KLK5: variants seen among roughly 807,000 people sequenced by gnomAD.
KLK5 encodes the protein kallikrein-5.
KLK5 carries 18 observed loss-of-function variants against 24.0 expected under a neutral mutation model. The ratio of observed to expected loss-of-function variants is 0.75; its 90% CI spans 0.52 to 1.11. KLK5 has a LOEUF of 1.11. Among genes scored for constraint, KLK5 ranks in the 50% most tolerant of loss-of-function variants. The pLI, the probability that KLK5 is intolerant of heterozygous loss-of-function variation, is 0.00. For synonymous variants in KLK5, 140 were observed against 154.0 expected (o/e 0.91, Z 0.67); for missense variants, 374 against 379.2 (o/e 0.99, Z 0.11).
Position 50,948,921 on chromosome 19 carries a change from T to C in KLK5, c.530A>G (p.His177Arg), listed in dbSNP as rs1315051877. ...KDVRPINVSS[H>R]CPSAGTKCLV... ...GCACTTTGTCCCAGCAGAGGGACAA[T>C]GAGAGGAGACGTTGATGGGTCTGAC... The change falls in exon 4 of 6, where the codon CAT (histidine) becomes CGT (arginine). Residue 177 changes from histidine (H) to arginine (R), a missense_variant. Transcript: ENST00000336334. 1 of 1,613,778 alleles carries C rather than the reference T, an allele frequency of 6.2e-7. No individual in the cohort carries two copies. The highest frequency in any genetic ancestry group is 8.5e-7 in the Non-Finnish European group (1 of 1,179,956).
At chr19:50,952,714 GAGC>G in intron 1 of KLK5, 30 bp downstream of exon 1, 9 of 1,434,242 alleles carry the variant, frequency 6.3e-6, no homozygotes, top group Non-Finnish European at 8.6e-6. Flanking sequence ...GCGATCCGGG[GAGC>G]CCTTAACCCA....
In KLK5 at chr19:50,943,478, G is replaced by A; in HGVS notation, c.*153C>T. The A allele has an allele frequency of 1.4e-6, 1 of 697,700 alleles. No individual in the cohort carries two copies. Among genetic ancestry groups the A allele is most frequent in the Non-Finnish European group, 2.4e-6 (1 of 413,408 alleles). 43.2% of individuals were successfully genotyped at this position (697,700 alleles called of 1,614,324 possible). On this transcript the variant is annotated 3_prime_UTR_variant, in exon 6 of 6. Transcript: ENST00000336334. ...AGAGAGACACGGTCAGCCCAATGTG[G>A]GGGAAGCAGACCCTGAGTCCAGGAG... is the stretch of plus-strand genomic sequence containing the variant.
Position 50,952,894 on chromosome 19 carries a change from G to A in KLK5, c.-159C>T, listed in dbSNP as rs540705214. On this transcript the variant is annotated 5_prime_UTR_variant, in exon 1 of 6. Transcript: ENST00000336334. ...ACAGAGAAAGATGTGGGTGCAGGAC[G>A]CACAGACACCTCTCCTTCCCTGCCT... 4.4e-5 allele frequency: 17 copies of A among 383,178 alleles called. No individual in the cohort carries two copies. The highest frequency in any genetic ancestry group is 1.5e-4 in the African/African-American group (7 of 46,630). The allele number at this position is 383,178 out of a possible 1,614,324, so 23.7% of individuals were successfully genotyped here. A position where few individuals can be genotyped will look rare whatever the true frequency, so the allele number is the denominator to read the frequency against.
At chr19:50,951,349 C>G (rs1050167542) in intron 2 of KLK5, among the ~76,000 whole-genome samples, 1 of 151,858 alleles carries the variant, frequency 6.6e-6, no homozygotes, top group African/African-American at 2.4e-5. Flanking sequence ...CTCGGCTCAC[C>G]GCAACCTCCA....
Position 50,950,039 on chromosome 19 carries a change from C to T in KLK5, c.151G>A (p.Gly51Arg). The part of the protein sequence containing the change: ...TVPSGSNQDL[G>R]AGAGEDARSD... ...CGGGCGTCTTCCCCGGCCCCAGCTC[C>T]CAGGTCCTGGTTGCTCCCAGAGGGC... is the stretch of plus-strand genomic sequence containing the variant. The change falls in exon 3 of 6, where the codon GGA becomes AGA. Residue 51 changes from glycine (G) to arginine (R), a missense_variant. Transcript: ENST00000336334. 1 of 1,613,762 alleles carries T rather than the reference C, an allele frequency of 6.2e-7. No individual in the cohort carries two copies. Among genetic ancestry groups the T allele is most frequent in the Non-Finnish European group, 8.5e-7 (1 of 1,179,948 alleles).
At chr19:50,949,288 A>G (rs2090663462) in intron 3 of KLK5, among the ~76,000 whole-genome samples, 173 bp from the exon 4 acceptor site, 1 of 146,890 alleles carries the variant, frequency 6.8e-6, no homozygotes, top group Non-Finnish European at 1.5e-5. Context: ...CCCAGTCACA[A>G]TTCCAAACCC....
intron 5 of KLK5, among the ~76,000 whole-genome samples, chr19:50,946,779 T>A (rs2090639469): frequency 6.6e-6 from 1 of 152,088 alleles, no homozygotes; most frequent in Non-Finnish European, 1.5e-5. Context: ...CAGGATGGTC[T>A]CCATCTCCTG....
At chr19:50,949,822 C>T in intron 3 of KLK5, 33 bp downstream of exon 3, 14 of 1,053,702 alleles carry the variant, frequency 1.3e-5, no homozygotes, top group Non-Finnish European at 1.7e-5. Flanking sequence ...CTTCCCCGTC[C>T]CCACCAACCC....
At chr19:50,944,176 T>A (rs1022378216) in intron 5 of KLK5, among the ~76,000 whole-genome samples, 1 of 152,080 alleles carries the variant, frequency 6.6e-6, no homozygotes, top group Non-Finnish European at 1.5e-5. Flanking sequence ...GCTAATTTTT[T>A]GTATTTTTTT....
Position 50,948,940 on chromosome 19 carries a change from G to T in KLK5, c.511C>A (p.Pro171Thr). 1 of 1,613,998 alleles carries T rather than the reference G, an allele frequency of 6.2e-7. No individual in the cohort carries two copies. Among genetic ancestry groups the T allele is most frequent in the Non-Finnish European group, 8.5e-7 (1 of 1,179,984 alleles). Reference sequence around the variant, plus strand: ...GGACAATGAGAGGAGACGTTGATGGGTCTGACATCTTTAGTGGGACGAATT... The same window carrying T: ...GGACAATGAGAGGAGACGTTGATGGTTCTGACATCTTTAGTGGGACGAATT... ...RRIRPTKDVR[P>T]INVSSHCPSA... Residue 171 changes from proline to threonine, a missense_variant, in exon 4 of 6, where the codon CCC (proline) becomes ACC (threonine). Transcript: ENST00000336334.
Position 50,952,901 on chromosome 19 carries a change from C to A in KLK5, c.-166G>T. The stretch of plus-strand genomic sequence containing the variant: ...AAGATGTGGGTGCAGGACGCACAGA[C>A]ACCTCTCCTTCCCTGCCTGCTGAGC... On this transcript the variant is annotated 5_prime_UTR_variant, in exon 1 of 6. Transcript: ENST00000336334. 1 of 366,298 alleles carries A rather than the reference C, an allele frequency of 2.7e-6. No individual in the cohort carries two copies. Among genetic ancestry groups the A allele is most frequent in the Admixed American group, 5.2e-5 (1 of 19,282 alleles). 22.7% of individuals were successfully genotyped at this position (366,298 alleles called of 1,614,324 possible). A position where few individuals can be genotyped will look rare whatever the true frequency, so the allele number is the denominator to read the frequency against.
chr19:50,952,504 T>C lies in KLK5; in HGVS notation c.73+81A>G. The C allele has an allele frequency of 2.9e-6, 3 of 1,020,090 alleles. No homozygotes were observed. The South Asian group carries it at 5.1e-5, about 17-fold the overall frequency. 63.2% of individuals were successfully genotyped at this position (1,020,090 alleles called of 1,614,324 possible). ...CGGAGTCATGCCCAGGCTCACACAG[T>C]TCCCCAGGGGACAGGCGCTCTAGTG... is the stretch of plus-strand genomic sequence containing the variant. On this transcript the variant is annotated intron_variant, in intron 2 of 5. Coordinates refer to ENST00000336334, the MANE Select transcript of KLK5 (RefSeq NM_012427.5).
chr19:50,948,301 T>A (rs576827334), intron 5 of KLK5, among the ~76,000 whole-genome samples: 1 of 152,276 alleles, frequency 6.6e-6, no homozygotes, highest in East Asian at 1.9e-4. Context: ...TTTGTATTTT[T>A]TTTTAGAGAC....
intron 3 of KLK5, 80 bp from the exon 4 acceptor site, chr19:50,949,195 C>T (rs2090662757): frequency 1.4e-6 from 2 of 1,406,204 alleles, no homozygotes; most frequent in South Asian, 2.8e-5. Context: ...CACACCCAGC[C>T]CCAGCCCCAC....
In KLK5 at chr19:50,952,748, T is replaced by A. The variant is rs534318594; in HGVS notation, c.-13A>T. 2.1e-6 allele frequency: 2 copies of A among 939,078 alleles called. No homozygotes were observed. Among genetic ancestry groups the A allele is most frequent in the African/African-American group, 1.7e-5 (1 of 59,646 alleles). The allele number at this position is 939,078 out of a possible 1,614,324, so 58.2% of individuals were successfully genotyped here. On this transcript the variant is annotated splice_region_variant and 5_prime_UTR_variant, in exon 1 of 6. In the 5' UTR this introduces an upstream ATG that the reference lacks. Coordinates refer to ENST00000336334, the MANE Select transcript of KLK5 (RefSeq NM_012427.5). The stretch of plus-strand genomic sequence containing the variant: ...ACCCACTTCCCCTCCCTCCCCTACC[T>A]TATTTCCCCAGGTAGAGAGGAACCA...
intron 3 of KLK5, 102 bp downstream of exon 3, chr19:50,949,753 T>TCCC: frequency 1.5e-5 from 6 of 403,264 alleles, no homozygotes; most frequent in South Asian, 8.0e-5. Context: ...CACTTCCCCG[T>TCCC]CCCCACCAGC....
chr19:50,949,739 AC>A, intron 3 of KLK5, 115 bp downstream of exon 3: 1 of 432,330 alleles, frequency 2.3e-6, no homozygotes, highest in Admixed American at 3.4e-5. Flanking sequence ...GACACCCCCA[AC>A]CCCACTTCCC....
chr19:50,949,802 C>A (rs1312617610), intron 3 of KLK5, 53 bp downstream of exon 3: 2 of 869,234 alleles, frequency 2.3e-6, no homozygotes, highest in African/African-American at 3.8e-5. Flanking sequence ...CTTCCCCACC[C>A]CCACCCCCAC....
Position 50,948,941 on chromosome 19 carries a change from T to C in KLK5, c.510A>G (p.Arg170=). 3 of 1,613,952 alleles carry C rather than the reference T, an allele frequency of 1.9e-6. No homozygotes were observed. The highest frequency in any genetic ancestry group is 2.5e-6 in the Non-Finnish European group (3 of 1,179,984). Residue 170 remains arginine (R), a synonymous_variant, in exon 4 of 6, where the codon AGA becomes AGG. Transcript: ENST00000336334. The part of the protein sequence containing the change: ...NRRIRPTKDV[R]PINVSSHCPS... ...GACAATGAGAGGAGACGTTGATGGG[T>C]CTGACATCTTTAGTGGGACGAATTC...
Sources: allele counts gnomAD v4.1 joint callset (sites outside exome capture counted in the v4.1 genomes callset), GRCh38; gene constraint gnomAD v4.1.1; transcripts MANE v1.5; gene names NCBI Gene and HGNC (gene_info 2026-07-23, HGNC 2026-07-21).